The following ME3 variants were observed in gnomAD, a reference collection of about 807,000 sequenced individuals.
ME3 encodes the protein malic enzyme 3.
Under a neutral mutation model 68.9 loss-of-function variants are expected in ME3, and 48 were observed. The ratio of observed to expected loss-of-function variants is 0.70; its 90% CI spans 0.55 to 0.89. ME3 has a LOEUF of 0.89. Ranked by LOEUF, ME3 falls within the 40% of genes least tolerant of loss-of-function variation. The pLI is 0.00. For missense variants in ME3, 675 were observed against 797.4 expected (o/e 0.85, Z 1.85); for synonymous variants, 320 against 318.8 (o/e 1.00, Z -0.04).
intron 10 of ME3, among the ~76,000 whole-genome samples, chr11:86,449,220 G>T (rs1161144146): frequency 6.6e-6 from 1 of 152,228 alleles, no homozygotes; most frequent in East Asian, 1.9e-4. Context: ...GGGAATTAAA[G>T]CACTGAGTGT....
At chr11:86,656,390 A>G (rs1008779154) in intron 2 of ME3, among the ~76,000 whole-genome samples, 5 of 151,996 alleles carry the variant, frequency 3.3e-5, no homozygotes, top group African/African-American at 1.2e-4. Context: ...AAAATGTGGC[A>G]CATATACACC....
chr11:86,657,801 A>T (rs943644200), intron 2 of ME3, among the ~76,000 whole-genome samples: 2 of 152,196 alleles, frequency 1.3e-5, no homozygotes, highest in Admixed American at 6.5e-5. Context: ...TAGATTGTAC[A>T]CTCAGCAATA....
At chr11:86,572,589 A>G (rs1414067023) in intron 2 of ME3, among the ~76,000 whole-genome samples, 1 of 152,042 alleles carries the variant, frequency 6.6e-6, no homozygotes, top group Non-Finnish European at 1.5e-5. Context: ...AGCTTCATTC[A>G]TGTCTCTGCA....
chr11:86,440,715 A>G (rs566121229), downstream of ME3, among the ~76,000 whole-genome samples: 24 of 152,298 alleles, frequency 1.6e-4, no homozygotes, highest in African/African-American at 5.1e-4. Context: ...GACATGGACT[A>G]AACTCCCTGA....
At chr11:86,497,907 C>A in intron 6 of ME3, 56 bp downstream of exon 6, 1 of 1,528,952 alleles carries the variant, frequency 6.5e-7, no homozygotes, top group Non-Finnish European at 8.8e-7. Flanking sequence ...TGCTCCTCAC[C>A]CTGTCCCAGT....
At chr11:86,540,116 G>A (rs1955945821) in intron 4 of ME3, among the ~76,000 whole-genome samples, 1 of 152,192 alleles carries the variant, frequency 6.6e-6, no homozygotes, top group African/African-American at 2.4e-5. Flanking sequence ...TTGACTATAA[G>A]GAACATCTGA....
intron 14 of ME3, among the ~76,000 whole-genome samples, chr11:86,441,839 C>T (rs1288120997): frequency 1.3e-5 from 2 of 151,950 alleles, no homozygotes; most frequent in East Asian, 3.9e-4. Context: ...TTTTTTTCCA[C>T]TTGAATATGG....
intron 2 of ME3, among the ~76,000 whole-genome samples, chr11:86,571,318 A>T (rs1957776093): frequency 6.6e-6 from 1 of 152,202 alleles, no homozygotes; most frequent in Admixed American, 6.5e-5. Flanking sequence ...TCCTATTTTA[A>T]ATCTTGGGGA....
intron 7 of ME3, among the ~76,000 whole-genome samples, chr11:86,473,549 A>G (rs1950898112): frequency 6.6e-6 from 1 of 152,066 alleles, no homozygotes; most frequent in Non-Finnish European, 1.5e-5. Flanking sequence ...GAGATGAGAG[A>G]TGACAGGGCT....
intron 6 of ME3, among the ~76,000 whole-genome samples, chr11:86,492,593 T>G (rs1347588772): frequency 6.6e-6 from 1 of 152,238 alleles, no homozygotes; most frequent in Non-Finnish European, 1.5e-5. Flanking sequence ...AGATAGTTAC[T>G]AAGTCCCCTT....
intron 2 of ME3, among the ~76,000 whole-genome samples, chr11:86,637,718 G>A (rs1022332291): frequency 6.6e-6 from 1 of 152,098 alleles, no homozygotes; most frequent in African/African-American, 2.4e-5. Context: ...TTTTTAAGAA[G>A]GGGAGTTCAT....
intron 7 of ME3, among the ~76,000 whole-genome samples, chr11:86,475,878 G>A (rs58748596): frequency 7.9e-6 from 1 of 126,580 alleles, no homozygotes; most frequent in Non-Finnish European, 1.7e-5. Flanking sequence ...TATATATAGA[G>A]AGAGAGAGAG....
At chr11:86,497,918 T>G (rs760508881) in intron 6 of ME3, 45 bp downstream of exon 6, 2 of 1,538,006 alleles carry the variant, frequency 1.3e-6, no homozygotes, top group Non-Finnish European at 1.8e-6. Flanking sequence ...CTGTCCCAGT[T>G]GCCACCTTTT....
intron 5 of ME3, among the ~76,000 whole-genome samples, chr11:86,507,855 C>T (rs1953199415): frequency 6.6e-6 from 1 of 151,942 alleles, no homozygotes; most frequent in African/African-American, 2.4e-5. Context: ...CATAGTGGCC[C>T]ATGCCTGTCG....
In ME3 at chr11:86,442,925, GAGA is replaced by G. The variant is rs763015096; in HGVS notation, c.1555-9_1555-7del. On this transcript the variant is annotated splice_region_variant and splice_polypyrimidine_tract_variant and intron_variant, in intron 13 of 14. Coordinates refer to ENST00000543262, the Ensembl canonical transcript of ME3. ...GAGACTTCCTGGGCAATTTGCTGGGGAGAAGGAGAGAACCGAGAGGAATAAGCT... is the reference window on the plus strand; with the variant it reads ...GAGACTTCCTGGGCAATTTGCTGGGGAGGAGAGAACCGAGAGGAATAAGCT... 14 of 1,602,076 alleles carry G rather than the reference GAGA, an allele frequency of 8.7e-6. No homozygotes were observed. In the South Asian group the frequency reaches 1.5e-4, roughly 18 times the overall value.
At chr11:86,584,135 C>T (rs1185840958) in intron 2 of ME3, among the ~76,000 whole-genome samples, 1 of 152,094 alleles carries the variant, frequency 6.6e-6, no homozygotes, top group Non-Finnish European at 1.5e-5. Flanking sequence ...CCTCCAATAA[C>T]CTGATTGTAA....
At chr11:86,527,463 T>C (rs1359940003) in intron 4 of ME3, among the ~76,000 whole-genome samples, 1 of 152,216 alleles carries the variant, frequency 6.6e-6, no homozygotes, top group Non-Finnish European at 1.5e-5. Context: ...ACATGAGAAC[T>C]TCCCCAATCT....
chr11:86,497,742 G>A (rs1349738789), intron 6 of ME3, among the ~76,000 whole-genome samples: 5 of 152,202 alleles, frequency 3.3e-5, no homozygotes, highest in East Asian at 1.9e-4. Context: ...GAGCAAGGGG[G>A]CCCAGGAGTG....
intron 2 of ME3, among the ~76,000 whole-genome samples, chr11:86,626,837 T>C (rs934629638): frequency 6.6e-6 from 1 of 152,232 alleles, no homozygotes; most frequent in Admixed American, 6.5e-5. Context: ...TTCTGTCACC[T>C]AGCCAACAAC....
Sources: gnomAD v4.1 joint callset for allele counts (sites outside exome capture counted in the v4.1 genomes callset) on GRCh38, gnomAD v4.1.1 for gene constraint, MANE v1.5 for transcripts, NCBI Gene and HGNC (gene_info 2026-07-23, HGNC 2026-07-21) for gene names.